ANKRD18B: variants seen among roughly 807,000 people sequenced by gnomAD.
ANKRD18B encodes the protein ankyrin repeat domain-containing protein 18B.
A neutral mutation model predicts 111.8 loss-of-function variants in ANKRD18B; 75 were observed. That is an observed-to-expected ratio of 0.67 (90% confidence interval 0.56 to 0.81). The LOEUF is 0.81. Among genes scored for constraint, ANKRD18B ranks in the 40% least tolerant of loss-of-function variants. The pLI is 0.00. For missense variants in ANKRD18B, 1,038 were observed against 1,225.5 expected (o/e 0.85, Z 2.28); for synonymous variants, 356 against 417.3 (o/e 0.85, Z 1.79).
Position 33,533,731 on chromosome 9 carries a change from T to C in ANKRD18B, c.602+186T>C, listed in dbSNP as rs539240531. ...GGACTAAGCAACATAAAAAACAGTA[T>C]ATAGTAGGATTCATCTTCTCTTATA... On this transcript the variant is annotated intron_variant, in intron 4 of 18. Coordinates refer to ENST00000684830, the MANE Select transcript of ANKRD18B (RefSeq NM_001393611.1). The C allele has an allele frequency of 1.0e-4, 124 of 1,226,468 alleles. 1 individual carries two copies. The South Asian group carries it at 2.0e-3, about 20-fold the overall frequency. The allele number at this position is 1,226,468 out of a possible 1,614,324, so 76.0% of individuals were successfully genotyped here.
intron 14 of ANKRD18B, among the ~76,000 whole-genome samples, chr9:33,565,753 A>G (rs117099871): frequency 0.087 from 13,252 of 152,186 alleles, 609 homozygotes; most frequent in South Asian, 0.098. Context: ...GATTACAAGC[A>G]TGGGCCACCA....
rs1475459835 is a variant in ANKRD18B at position 33,548,039 on chromosome 9, T to C, written c.1251T>C (p.Asn417=). 2.6e-6 allele frequency: 4 copies of C among 1,530,576 alleles called. No homozygotes were observed. In the South Asian group the frequency reaches 5.1e-5, roughly 20 times the overall value. 94.8% of individuals were successfully genotyped at this position (1,530,576 alleles called of 1,614,324 possible). Residue 417 remains asparagine, a synonymous_variant, in exon 11 of 19, where the codon AAT becomes AAC. Transcript: ENST00000684830. The stretch of plus-strand genomic sequence containing the variant: ...AAGAGGAATTATATGCAATAAAAAA[T>C]GACAGTCTCAGAAAGGAAAAGAAAT... The part of the protein sequence containing the change: ...MLKEELYAIK[N]DSLRKEKKYI...
intron 15 of ANKRD18B, chr9:33,566,870 G>C: frequency 2.2e-6 from 1 of 460,554 alleles, no homozygotes; most frequent in South Asian, 3.4e-5. Flanking sequence ...ACTTTTTATA[G>C]GACCAGATTA....
chr9:33,575,114 G>C (rs879732865), downstream of ANKRD18B, among the ~76,000 whole-genome samples: 2 of 152,166 alleles, frequency 1.3e-5, no homozygotes, highest in African/African-American at 2.4e-5. Context: ...GGTAATACCT[G>C]AGCACTCACC....
At chr9:33,535,842 CTT>C (rs1035887875) in intron 5 of ANKRD18B, among the ~76,000 whole-genome samples, 21 of 144,724 alleles carry the variant, frequency 1.5e-4, no homozygotes, top group East Asian at 4.0e-4. Context: ...TATATAATCT[CTT>C]ATATTATAAT....
intron 12 of ANKRD18B, among the ~76,000 whole-genome samples, chr9:33,551,935 T>C (rs995435372): frequency 6.6e-5 from 10 of 152,236 alleles, no homozygotes; most frequent in African/African-American, 2.4e-4. Flanking sequence ...ATCTCAGCAC[T>C]TGTTGCCCAG....
Position 33,567,180 on chromosome 9 carries a change from A to G in ANKRD18B, c.2820A>G (p.Thr940=), listed in dbSNP as rs1349649556. 2 of 1,549,796 alleles carry G rather than the reference A, an allele frequency of 1.3e-6. No individual in the cohort carries two copies. Among genetic ancestry groups the G allele is most frequent in the East Asian group, 4.9e-5 (2 of 40,752 alleles). ...NTASLKKKEL[T]LKDVECKFSK... ...CTTCACTAAAAAAGAAGGAACTCAC[A>G]CTTAAAGATGTGGAATGTAAATTCT... Residue 940 remains threonine (T), a synonymous_variant, in exon 16 of 19, where the codon ACA becomes ACG. Transcript: ENST00000684830.
chr9:33,551,485 A>G (rs946172714), intron 12 of ANKRD18B, among the ~76,000 whole-genome samples: 2 of 152,208 alleles, frequency 1.3e-5, no homozygotes, highest in African/African-American at 2.4e-5. Context: ...CTGCATATTT[A>G]AATACATAGA....
At chr9:33,551,681 T>A (rs554559457) in intron 12 of ANKRD18B, among the ~76,000 whole-genome samples, 51 of 152,244 alleles carry the variant, frequency 3.3e-4, no homozygotes, top group African/African-American at 1.2e-3. Flanking sequence ...GTTTCCACTT[T>A]TTGGCTATTA....
chr9:33,551,775 A>T (rs946251891), intron 12 of ANKRD18B, among the ~76,000 whole-genome samples: 1 of 152,166 alleles, frequency 6.6e-6, no homozygotes, highest in African/African-American at 2.4e-5. Context: ...CTCTATCCTC[A>T]GAGTTAATTG....
chr9:33,528,123 A>G (rs1345597677), intron 1 of ANKRD18B, among the ~76,000 whole-genome samples: 1 of 152,170 alleles, frequency 6.6e-6, no homozygotes, highest in Non-Finnish European at 1.5e-5. Flanking sequence ...ACAAGGTGAC[A>G]TTCCTACTCT....
intron 3 of ANKRD18B, among the ~76,000 whole-genome samples, chr9:33,530,509 C>T (rs1461873672): frequency 3.9e-5 from 5 of 127,880 alleles, no homozygotes; most frequent in African/African-American, 1.5e-4. Context: ...AGACTCTTGT[C>T]TCTTACCACA....
rs372612457 is a variant in ANKRD18B at position 33,526,119 on chromosome 9, G to A, written c.206+1424G>A. 6.7e-4 allele frequency among the ~76,000 whole-genome samples: 102 copies of A among 152,328 alleles called. No individual in the cohort carries two copies. The Middle Eastern group carries it at 0.01, about 15-fold the overall frequency. ...ACAGTGTTTGTGAGAATAAAGAGCA[G>A]TGGCACTTACACTGCTGCTTGAAGT... On this transcript the variant is annotated intron_variant, in intron 1 of 18. Transcript: ENST00000684830.
intron 1 of ANKRD18B, among the ~76,000 whole-genome samples, chr9:33,527,317 G>GTT (rs775002474): frequency 1.5e-4 from 23 of 148,594 alleles, no homozygotes; most frequent in Middle Eastern, 3.4e-3. Flanking sequence ...TTTTTTGTTT[G>GTT]TTTGTTTGTT....
At chr9:33,527,446 C>T (rs1161641622) in intron 1 of ANKRD18B, among the ~76,000 whole-genome samples, 5 of 152,130 alleles carry the variant, frequency 3.3e-5, no homozygotes, top group East Asian at 1.9e-4. Flanking sequence ...CTCAGCCTCC[C>T]GAGTAGCTGG....
At position 33,572,399 on chromosome 9, in the gene ANKRD18B, A is replaced by C; in HGVS notation, c.3307A>C (p.Asn1103His). Residue 1103 changes from asparagine to histidine, a missense_variant, in exon 19 of 19, where the codon AAC (asparagine) becomes CAC (histidine). Coordinates refer to ENST00000684830, the MANE Select transcript of ANKRD18B (RefSeq NM_001393611.1). Reference protein sequence around the residue: ...GKPHLMKRIFNHKILRKSCMI With the variant: ...GKPHLMKRIFHHKILRKSCMI The stretch of plus-strand genomic sequence containing the variant: ...GCCACATCTAATGAAGAGAATATTT[A>C]ACCATAAAATCTTAAGGAAAAGTTG... 6.3e-7 allele frequency: 1 copy of C among 1,592,974 alleles called. No individual in the cohort carries two copies. The highest frequency in any genetic ancestry group is 8.5e-7 in the Non-Finnish European group (1 of 1,170,468).
intron 12 of ANKRD18B, among the ~76,000 whole-genome samples, chr9:33,553,466 A>T (rs137890384): frequency 6.6e-6 from 1 of 152,160 alleles, no homozygotes; most frequent in African/African-American, 2.4e-5. Context: ...TAAAACATAT[A>T]ATAAGGGGCA....
At chr9:33,541,758 G>A (rs561391037) in intron 9 of ANKRD18B, among the ~76,000 whole-genome samples, 14 of 152,064 alleles carry the variant, frequency 9.2e-5, no homozygotes, top group Middle Eastern at 6.8e-3. Context: ...TCTTTTTCTC[G>A]GAATTATGCT....
intron 9 of ANKRD18B, among the ~76,000 whole-genome samples, chr9:33,541,485 T>C (rs902957476): frequency 9.2e-5 from 14 of 152,216 alleles, no homozygotes; most frequent in African/African-American, 3.4e-4. Context: ...AAGCATCCCT[T>C]GAGGCTTGGA....
Sources: allele counts gnomAD v4.1 joint callset (sites outside exome capture counted in the v4.1 genomes callset), GRCh38; gene constraint gnomAD v4.1.1; transcripts MANE v1.5; gene names NCBI Gene and HGNC (gene_info 2026-07-23, HGNC 2026-07-21).